SHOC1: variants seen among roughly 807,000 people sequenced by gnomAD.
The protein encoded by SHOC1 is protein shortage in chiasmata 1 ortholog.
SHOC1 carries 136 observed loss-of-function variants against 179.2 expected under a neutral mutation model. The observed-to-expected ratio is 0.76, with a 90% CI of 0.66 to 0.87. The LOEUF (loss-of-function observed/expected upper bound fraction) is 0.87. Among genes scored for constraint, SHOC1 ranks in the 40% least tolerant of loss-of-function variants. SHOC1 has a pLI of 0.00. For synonymous variants in SHOC1, 489 were observed against 586.6 expected (o/e 0.83, Z 2.41); for missense variants, 1,538 against 1,700.8 (o/e 0.90, Z 1.68).
Position 111,759,486 on chromosome 9 carries a change from C to T in SHOC1, c.443-638G>A, listed in dbSNP as rs1045112275. ...TCTGGAATAAATTTCTCCTCTCGGT[C>T]TCCACCCTGCCTTGTCTGGGTTTCT... On this transcript the variant is annotated intron_variant, in intron 5 of 27. Coordinates refer to ENST00000682961, the MANE Select transcript of SHOC1 (RefSeq NM_001378211.1). The T allele has an allele frequency of 6.4e-6, 8 of 1,245,920 alleles. No homozygotes were observed. In the African/African-American group the frequency reaches 9.2e-5, roughly 14 times the overall value. The allele number at this position is 1,245,920 out of a possible 1,614,324, so 77.2% of individuals were successfully genotyped here.
intron 8 of SHOC1, among the ~76,000 whole-genome samples, chr9:111,749,636 G>A (rs920943579): frequency 6.6e-6 from 1 of 152,066 alleles, no homozygotes; most frequent in African/African-American, 2.4e-5. Context: ...ATTAAGCCCA[G>A]CATCCATTAG....
At chr9:111,707,454 T>C (rs1186737524) in intron 19 of SHOC1, among the ~76,000 whole-genome samples, 1 of 152,048 alleles carries the variant, frequency 6.6e-6, no homozygotes, top group Admixed American at 6.6e-5. Context: ...AATTCAACAC[T>C]TGATTTATTA....
At chr9:111,705,997 G>A (rs1832254927) in intron 20 of SHOC1, among the ~76,000 whole-genome samples, 1 of 152,026 alleles carries the variant, frequency 6.6e-6, no homozygotes, top group Admixed American at 6.6e-5. Flanking sequence ...TCATATTTGA[G>A]GTGAATAGAA....
At chr9:111,756,927 C>CT (rs1328374923) in intron 7 of SHOC1, among the ~76,000 whole-genome samples, 2 of 152,258 alleles carry the variant, frequency 1.3e-5, no homozygotes, top group East Asian at 3.9e-4. Context: ...ACAAGAGAGA[C>CT]TAAGTCCACA....
At chr9:111,711,714 T>C (rs1832558381) in intron 18 of SHOC1, among the ~76,000 whole-genome samples, 1 of 152,160 alleles carries the variant, frequency 6.6e-6, no homozygotes. Flanking sequence ...GTTTTTTGTA[T>C]AGTCATTCAG....
intron 26 of SHOC1, 148 bp from the exon 27 acceptor site, chr9:111,692,659 G>T: frequency 2.1e-6 from 1 of 485,328 alleles, no homozygotes; most frequent in Non-Finnish European, 3.5e-6. Context: ...AAATCATTAG[G>T]CTCTATTAAA....
chr9:111,713,943 T>C (rs1832666555), intron 17 of SHOC1, among the ~76,000 whole-genome samples: 1 of 152,206 alleles, frequency 6.6e-6, no homozygotes, highest in Non-Finnish European at 1.5e-5. Context: ...CATGGACTTA[T>C]ATAAGTACTA....
At chr9:111,732,422 T>A (rs1200923674) in intron 12 of SHOC1, among the ~76,000 whole-genome samples, 2 of 151,966 alleles carry the variant, frequency 1.3e-5, no homozygotes, top group African/African-American at 2.4e-5. Context: ...ATAAAAAAAA[T>A]TTAAAGAGAG....
intron 8 of SHOC1, among the ~76,000 whole-genome samples, chr9:111,753,086 T>C (rs1420543293): frequency 6.6e-6 from 1 of 152,096 alleles, no homozygotes. Context: ...GAACAGAGCT[T>C]CAGTGACTGT....
At chr9:111,690,437 A>C (rs1439457943) in intron 27 of SHOC1, among the ~76,000 whole-genome samples, 1 of 152,168 alleles carries the variant, frequency 6.6e-6, no homozygotes, top group African/African-American at 2.4e-5. Context: ...GAAACAAAAA[A>C]TCTCTTAGAC....
At chr9:111,766,483 C>CT in intron 5 of SHOC1, among the ~76,000 whole-genome samples, 1 of 152,168 alleles carries the variant, frequency 6.6e-6, no homozygotes, top group Non-Finnish European at 1.5e-5. Context: ...AGTGGCTGTT[C>CT]TAATTTACAC....
At chr9:111,774,401 C>G (rs1316794311) in intron 5 of SHOC1, among the ~76,000 whole-genome samples, 1 of 152,142 alleles carries the variant, frequency 6.6e-6, no homozygotes, top group Admixed American at 6.5e-5. Flanking sequence ...TGGGTTCAAG[C>G]AATCTTCCCA....
intron 12 of SHOC1, among the ~76,000 whole-genome samples, chr9:111,729,123 T>A (rs1833448918): frequency 6.7e-6 from 1 of 149,142 alleles, no homozygotes; most frequent in Non-Finnish European, 1.5e-5. Flanking sequence ...TTTTTCTTTT[T>A]TTTTCTTTTT....
chr9:111,692,559 A>G lies in SHOC1; in HGVS notation c.3466-48T>C, dbSNP rs1474099509. On this transcript the variant is annotated intron_variant, in intron 26 of 27. Transcript: ENST00000682961. The stretch of plus-strand genomic sequence containing the variant: ...GCAAATGTCAGTTTAGTAAATATAA[A>G]TAATGATGCTTATCTATATGGAAAG... 15 of 1,376,124 alleles carry G rather than the reference A, an allele frequency of 1.1e-5. No homozygotes were observed. In the Admixed American group the frequency reaches 3.5e-4, roughly 32 times the overall value. The allele number at this position is 1,376,124 out of a possible 1,614,324, so 85.2% of individuals were successfully genotyped here. A position where few individuals can be genotyped will look rare whatever the true frequency, so the allele number is the denominator to read the frequency against.
At chr9:111,741,942 T>G (rs1834063043) in intron 10 of SHOC1, among the ~76,000 whole-genome samples, 1 of 152,216 alleles carries the variant, frequency 6.6e-6, no homozygotes, top group East Asian at 1.9e-4. Flanking sequence ...CAAAATTTTA[T>G]TTTTAAAAAG....
In SHOC1 at chr9:111,686,289, T is replaced by C. The variant is rs1831158151; in HGVS notation, c.*481A>G. On this transcript the variant is annotated 3_prime_UTR_variant, in exon 28 of 28. Transcript: ENST00000682961. ...TCTATCAATTTGTAGGAATTCTTTA[T>C]ATATGAGAAATGTAAACTTTTTTTC... 2.0e-5 allele frequency: 3 copies of C among 152,280 alleles called. No homozygotes were observed. In the South Asian group the frequency reaches 6.2e-4, roughly 32 times the overall value. The allele number at this position is 152,280 out of a possible 1,614,324, so 9.4% of individuals were successfully genotyped here.
At chr9:111,746,689 A>C (rs1255508665) in intron 9 of SHOC1, among the ~76,000 whole-genome samples, 1 of 152,128 alleles carries the variant, frequency 6.6e-6, no homozygotes, top group Non-Finnish European at 1.5e-5. Flanking sequence ...AAATAAATAA[A>C]AATTAAGTAT....
In SHOC1 at chr9:111,727,642, C is replaced by T. The variant is rs745355287; in HGVS notation, c.1825G>A (p.Glu609Lys). The stretch of plus-strand genomic sequence containing the variant: ...TTATTAAATTACTTACCATGTTTTT[C>T]ATCACTGTTTGTGACTTCAGTCTTT... ...TSKTEVTNSD[E>K]KHDKEACSLT... is the part of the protein sequence containing the mutation. The change falls in exon 13 of 28, where the codon GAA (glutamate) becomes AAA (lysine). Residue 609 changes from glutamate (E) to lysine (K), a missense_variant. By Grantham distance (56) the Glu-to-Lys change is moderately conservative. Coordinates refer to ENST00000682961, the MANE Select transcript of SHOC1 (RefSeq NM_001378211.1). The T allele has an allele frequency of 6.4e-7, 1 of 1,568,292 alleles. No homozygotes were observed. Among genetic ancestry groups the T allele is most frequent in the Admixed American group, 2.0e-5 (1 of 50,814 alleles).
At chr9:111,768,544 C>A (rs1415797383) in intron 5 of SHOC1, among the ~76,000 whole-genome samples, 1 of 152,150 alleles carries the variant, frequency 6.6e-6, no homozygotes, top group Non-Finnish European at 1.5e-5. Flanking sequence ...TGTTCTGCAA[C>A]TTTACTGAAT....
Sources: gnomAD v4.1 joint callset for allele counts (sites outside exome capture counted in the v4.1 genomes callset) on GRCh38, gnomAD v4.1.1 for gene constraint, MANE v1.5 for transcripts, NCBI Gene and HGNC (gene_info 2026-07-23, HGNC 2026-07-21) for gene names.